Variants in ARL14EP observed in about 807,000 individuals in gnomAD.
The protein encoded by ARL14EP is ARF like GTPase 14 effector protein.
In ARL14EP, 12 loss-of-function variants were observed where a neutral mutation model predicts 23.1. That is an observed-to-expected ratio of 0.52 (90% CI 0.33 to 0.84). ARL14EP has a LOEUF of 0.84. Ranked by LOEUF, ARL14EP falls within the 40% of genes least tolerant of loss-of-function variation. The probability of loss-of-function intolerance (pLI) is 0.02; values close to 1 mark genes in which losing one functional copy is unlikely to be tolerated. For synonymous variants in ARL14EP, 97 were observed against 102.0 expected, an observed-to-expected ratio of 0.95 and a Z score of 0.29; for missense variants, 253 against 307.3, an observed-to-expected ratio of 0.82 and a Z score of 1.32.
Position 30,331,540 on chromosome 11 carries a change from G to A in ARL14EP, c.426+166G>A, listed in dbSNP as rs1009127645. Reference sequence around the variant, plus strand: ...TTTCTAAATATTATTCACATATACTGAAGGTCAAGATTGGGGGATAAAGAA... The same window carrying A: ...TTTCTAAATATTATTCACATATACTAAAGGTCAAGATTGGGGGATAAAGAA... On this transcript the variant is annotated intron_variant, in intron 2 of 3. Coordinates refer to ENST00000282032, the MANE Select transcript of ARL14EP (RefSeq NM_152316.3). The A allele has an allele frequency of 6.2e-5, 90 of 1,455,218 alleles. No homozygotes were observed. The Middle Eastern group carries it at 1.3e-3, about 20-fold the overall frequency. The allele number at this position is 1,455,218 out of a possible 1,614,324, so 90.1% of individuals were successfully genotyped here.
chr11:30,326,180 A>C (rs1947233891), intron 1 of ARL14EP, among the ~76,000 whole-genome samples: 2 of 152,092 alleles, frequency 1.3e-5, no homozygotes, highest in Admixed American at 1.3e-4. Flanking sequence ...AAACATTTTA[A>C]ATTTAAATTT....
In ARL14EP at chr11:30,334,208, C is replaced by CTTTTTTTTTTTTTTTTTT. The variant is rs36111177; in HGVS notation, c.554+1223_554+1240dup. Among the ~76,000 whole-genome samples the CTTTTTTTTTTTTTTTTTT allele has an allele frequency of 1.8e-3, 155 of 86,032 alleles. 12 individuals are homozygous for CTTTTTTTTTTTTTTTTTT. The highest frequency in any genetic ancestry group is 6.6e-3 in the East Asian group (9 of 1,362). The allele number at this position is 86,032 out of a possible 152,430, so 56.4% of individuals were successfully genotyped here. On this transcript the variant is annotated intron_variant, in intron 3 of 3. Coordinates refer to ENST00000282032, the MANE Select transcript of ARL14EP (RefSeq NM_152316.3). ...CAGATTTTCAATGTAGACCAGCCTTCTTTTTTTTTTTTTTTTTTTTTTTTT... is the reference window on the plus strand; with the variant it reads ...CAGATTTTCAATGTAGACCAGCCTTCTTTTTTTTTTTTTTTTTTTTTTTTTTTTTTTTTTTTTTTTTTT...
At chr11:30,331,917 T>C in intron 2 of ARL14EP, 1 of 582,836 alleles carries the variant, frequency 1.7e-6, no homozygotes, top group Non-Finnish European at 2.2e-6. Flanking sequence ...AATTCCTACT[T>C]GATATGGTCA....
chr11:30,326,423 T>C (rs1268642432), intron 1 of ARL14EP, among the ~76,000 whole-genome samples: 1 of 152,218 alleles, frequency 6.6e-6, no homozygotes, highest in Non-Finnish European at 1.5e-5. Flanking sequence ...TGGAAGAACA[T>C]AGCACTGTAC....
intron 1 of ARL14EP, among the ~76,000 whole-genome samples, chr11:30,325,691 C>A (rs537952790): frequency 1.3e-5 from 2 of 151,860 alleles, no homozygotes; most frequent in East Asian, 1.9e-4. Flanking sequence ...TCTTTTCTTG[C>A]GTTAAAAGAT....
intron 1 of ARL14EP, chr11:30,328,143 T>A (rs1261904772): frequency 2.6e-5 from 4 of 150,954 alleles, no homozygotes; most frequent in Admixed American, 6.6e-5. Context: ...AAAAAATTTT[T>A]TTTATTTTTT....
At chr11:30,330,312 T>G (rs970493467) in intron 1 of ARL14EP, 1 of 152,522 alleles carries the variant, frequency 6.6e-6, no homozygotes, top group Non-Finnish European at 1.5e-5. Flanking sequence ...TAGACCAGCT[T>G]GCTAAATTCC....
intron 1 of ARL14EP, among the ~76,000 whole-genome samples, chr11:30,324,852 T>C (rs1366323927): frequency 6.6e-6 from 1 of 152,234 alleles, no homozygotes; most frequent in Non-Finnish European, 1.5e-5. Flanking sequence ...TATTTCATTC[T>C]CTTTTGATTC....
intron 1 of ARL14EP, among the ~76,000 whole-genome samples, chr11:30,324,742 A>G (rs1426915417): frequency 1.3e-5 from 2 of 152,222 alleles, no homozygotes; most frequent in African/African-American, 4.8e-5. Context: ...GTAAAGCTGG[A>G]TAATTCCCTG....
chr11:30,324,660 C>T (rs1285624867), intron 1 of ARL14EP, among the ~76,000 whole-genome samples: 1 of 152,156 alleles, frequency 6.6e-6, no homozygotes. Flanking sequence ...CCTAATCTAC[C>T]TTCCTTACCG....
Position 30,331,202 on chromosome 11 carries a change from T to C in ARL14EP, c.254T>C (p.Leu85Ser). Residue 85 changes from leucine to serine, a missense_variant, in exon 2 of 4, where the codon TTA (leucine) becomes TCA (serine). Coordinates refer to ENST00000282032, the MANE Select transcript of ARL14EP (RefSeq NM_152316.3). ...CCDPFNIHKK[L>S]AKKNLHVIDL... ...GACCCATTTAACATACACAAGAAAT[T>C]AGCCAAAAAAAATTTGCATGTAATT... The C allele has an allele frequency of 1.2e-6, 2 of 1,613,832 alleles. No homozygotes were observed. The highest frequency in any genetic ancestry group is 1.1e-5 in the South Asian group (1 of 91,056).
intron 1 of ARL14EP, chr11:30,330,647 C>T: frequency 2.1e-5 from 6 of 289,652 alleles, no homozygotes; most frequent in South Asian, 1.3e-4. Flanking sequence ...TTCTTATTTC[C>T]TCCTTTTTAA....
At chr11:30,329,862 A>G (rs1051864300) in intron 1 of ARL14EP, 2 of 151,600 alleles carry the variant, frequency 1.3e-5, no homozygotes, top group African/African-American at 2.4e-5. Context: ...TTTCTCCTTT[A>G]GTTATACAGA....
In ARL14EP at chr11:30,330,983, G is replaced by A. The variant is rs1253508906; in HGVS notation, c.35G>A (p.Arg12His). 6.2e-6 allele frequency: 10 copies of A among 1,613,638 alleles called. No homozygotes were observed. The highest frequency in any genetic ancestry group is 5.5e-5 in the South Asian group (5 of 91,080). The change falls in exon 2 of 4, where the codon CGT becomes CAT. Residue 12 changes from arginine (R) to histidine (H), a missense_variant. Physicochemically the swap from Arg to His is conservative, Grantham distance 29 (BLOSUM62 0). Coordinates refer to ENST00000282032, the MANE Select transcript of ARL14EP (RefSeq NM_152316.3). The stretch of plus-strand genomic sequence containing the variant: ...CCATGTTCAGTTGGAGTCCAGCTTC[G>A]TACTACAAATGAGTGCCATAAAACC... ...MDPCSVGVQL[R>H]TTNECHKTYY...
intron 1 of ARL14EP, among the ~76,000 whole-genome samples, chr11:30,323,472 C>T (rs1947211595): frequency 6.6e-6 from 1 of 152,222 alleles, no homozygotes; most frequent in Non-Finnish European, 1.5e-5. Context: ...CCTGTAGGCC[C>T]AGGACCTTCA....
chr11:30,328,012 A>C (rs1022654565), intron 1 of ARL14EP: 1 of 152,082 alleles, frequency 6.6e-6, no homozygotes, highest in Non-Finnish European at 1.5e-5. Context: ...GGTCAAAGCC[A>C]GATTGTGTCC....
Position 30,331,378 on chromosome 11 carries a change from T to G in ARL14EP, c.426+4T>G, listed in dbSNP as rs199919217. On this transcript the variant is annotated splice_donor_region_variant and intron_variant, in intron 2 of 3. Transcript: ENST00000282032. ...GAAAAGGAAACCTGAGTCAGATGTATGTGTAATAGTCATTTTTTTCTACAT... is the reference window on the plus strand; with the variant it reads ...GAAAAGGAAACCTGAGTCAGATGTAGGTGTAATAGTCATTTTTTTCTACAT... The G allele has an allele frequency of 1.5e-5, 25 of 1,613,856 alleles. No homozygotes were observed. The highest frequency in any genetic ancestry group is 3.3e-4 in the Middle Eastern group (2 of 6,060).
chr11:30,331,945 CCTT>C (rs369802863), intron 2 of ARL14EP: 26 of 316,644 alleles, frequency 8.2e-5, no homozygotes, highest in African/African-American at 5.2e-4. Context: ...TTTTAGGACT[CCTT>C]GAGGTAAAAA....
chr11:30,326,242 A>G (rs901948915), intron 1 of ARL14EP, among the ~76,000 whole-genome samples: 1 of 152,212 alleles, frequency 6.6e-6, no homozygotes, highest in East Asian at 1.9e-4. Flanking sequence ...GTGCTTACAA[A>G]TCACTTGGGT....
Sources: gnomAD v4.1 joint callset for allele counts (sites outside exome capture counted in the v4.1 genomes callset) on GRCh38, gnomAD v4.1.1 for gene constraint, MANE v1.5 for transcripts, NCBI Gene and HGNC (gene_info 2026-07-23, HGNC 2026-07-21) for gene names.